FER: variants seen among roughly 807,000 people sequenced by gnomAD.
FER encodes FER tyrosine kinase.
In FER, 63 loss-of-function variants were observed where a neutral mutation model predicts 111.0. That is an observed-to-expected ratio of 0.57 (90% CI 0.46 to 0.70). FER has a LOEUF of 0.70. Ranked by LOEUF, FER falls within the 30% of genes least tolerant of loss-of-function variation. The pLI, the probability that FER is intolerant of heterozygous loss-of-function variation, is 0.00. For missense variants in FER, 914 were observed against 954.0 expected (o/e 0.96, Z 0.55); for synonymous variants, 327 against 313.9 (o/e 1.04, Z -0.44).
chr5:109,132,811 C>G (rs1188880037), intron 17 of FER, among the ~76,000 whole-genome samples: 2 of 152,182 alleles, frequency 1.3e-5, no homozygotes, highest in South Asian at 2.1e-4. Context: ...GTCACATCAT[C>G]TGAGCCCAAA....
chr5:108,826,048 A>G (rs1171987192), intron 3 of FER, among the ~76,000 whole-genome samples: 1 of 152,160 alleles, frequency 6.6e-6, no homozygotes, highest in East Asian at 1.9e-4. Flanking sequence ...ACCATTGACT[A>G]TGTTAGCTGT....
At chr5:108,913,267 C>T (rs1751808155) in intron 10 of FER, among the ~76,000 whole-genome samples, 1 of 152,104 alleles carries the variant, frequency 6.6e-6, no homozygotes, top group African/African-American at 2.4e-5. Context: ...CTTGATATTG[C>T]AAAATGAAAC....
intron 5 of FER, among the ~76,000 whole-genome samples, chr5:108,859,355 C>T (rs1409288133): frequency 1.3e-5 from 2 of 152,064 alleles, no homozygotes; most frequent in Admixed American, 6.6e-5. Context: ...ACCCCTGCCT[C>T]ACCCCCCAAC....
chr5:109,186,852 T>C (rs1313740805), intron 19 of FER, among the ~76,000 whole-genome samples: 1 of 152,206 alleles, frequency 6.6e-6, no homozygotes, highest in East Asian at 1.9e-4. Flanking sequence ...TACTGTGCCC[T>C]AATGTCTGGT....
At chr5:108,898,500 TTCTC>T (rs1000348759) in intron 10 of FER, among the ~76,000 whole-genome samples, 1 of 141,476 alleles carries the variant, frequency 7.1e-6, no homozygotes. Context: ...TCCTTCCTCT[TTCTC>T]TCTCCTTTCT....
At chr5:109,067,712 G>A (rs1375706306) in intron 16 of FER, among the ~76,000 whole-genome samples, 1 of 151,836 alleles carries the variant, frequency 6.6e-6, no homozygotes, top group African/African-American at 2.4e-5. Flanking sequence ...TTTCTTTCTT[G>A]TAGATATATA....
intron 17 of FER, among the ~76,000 whole-genome samples, chr5:109,103,312 A>G (rs1005162455): frequency 2.0e-5 from 3 of 152,170 alleles, no homozygotes; most frequent in Non-Finnish European, 2.9e-5. Flanking sequence ...AACTCAGTAT[A>G]TAGTTGAAAA....
intron 14 of FER, 106 bp downstream of exon 14, chr5:109,037,584 A>G (rs1476569700): frequency 2.5e-6 from 2 of 789,082 alleles, no homozygotes; most frequent in Non-Finnish European, 4.2e-6. Context: ...CACAAGGCAC[A>G]TTACACATTA....
intron 2 of FER, among the ~76,000 whole-genome samples, chr5:108,772,336 A>T (rs543249136): frequency 6.6e-6 from 1 of 150,838 alleles, no homozygotes; most frequent in African/African-American, 2.5e-5. Context: ...ATATATACAC[A>T]TATATATGTA....
intron 13 of FER, among the ~76,000 whole-genome samples, chr5:108,995,089 G>T (rs1763816420): frequency 6.6e-6 from 1 of 151,930 alleles, no homozygotes; most frequent in South Asian, 2.1e-4. Flanking sequence ...CTTCCTATTT[G>T]TATACCCTCT....
chr5:108,964,937 A>G (rs1312223194), intron 13 of FER, among the ~76,000 whole-genome samples: 1 of 152,128 alleles, frequency 6.6e-6, no homozygotes, highest in Non-Finnish European at 1.5e-5. Context: ...GGGCTTTTCA[A>G]AAATTGCTGT....
rs537652920 is a variant in FER at position 109,102,308 on chromosome 5, A to G, written c.2048+1789A>G. Among the ~76,000 whole-genome samples the G allele has an allele frequency of 4.9e-4, 75 of 152,210 alleles. No homozygotes were observed. In the South Asian group the frequency reaches 6.2e-3, roughly 13 times the overall value. On this transcript the variant is annotated intron_variant, in intron 17 of 19. Coordinates refer to ENST00000281092, the MANE Select transcript of FER (RefSeq NM_005246.4). ...AGCAGGTTGTGCATAGACCTATGCC[A>G]TTTGCCTACTGGGAAGGTTTCCCAG...
At chr5:109,096,633 GCAT>G (rs1401473006) in intron 16 of FER, among the ~76,000 whole-genome samples, 2 of 151,208 alleles carry the variant, frequency 1.3e-5, no homozygotes, top group African/African-American at 4.9e-5. Flanking sequence ...CACTCTTCAA[GCAT>G]CTTTGCCTCT....
At chr5:109,033,418 G>A (rs1769920685) in intron 13 of FER, among the ~76,000 whole-genome samples, 1 of 152,110 alleles carries the variant, frequency 6.6e-6, no homozygotes, top group Non-Finnish European at 1.5e-5. Flanking sequence ...TTGGATAGAA[G>A]GGGAGAAGGA....
intron 13 of FER, among the ~76,000 whole-genome samples, chr5:108,999,795 C>T (rs1464918238): frequency 6.6e-6 from 1 of 150,432 alleles, no homozygotes. Flanking sequence ...GATTTAACAT[C>T]TTTTCCTGTG....
chr5:109,165,173 T>C (rs1012532871), intron 17 of FER, among the ~76,000 whole-genome samples: 6 of 152,202 alleles, frequency 3.9e-5, no homozygotes, highest in African/African-American at 1.4e-4. Context: ...ATATATTTTT[T>C]GAATGAATAA....
chr5:108,810,312 C>T (rs748355255), intron 3 of FER, among the ~76,000 whole-genome samples: 18 of 152,170 alleles, frequency 1.2e-4, no homozygotes, highest in East Asian at 1.9e-4. Context: ...ACTTGATCCT[C>T]GCTTACTGAG....
intron 16 of FER, among the ~76,000 whole-genome samples, chr5:109,098,444 C>G (rs1171563471): frequency 6.6e-6 from 1 of 151,668 alleles, no homozygotes; most frequent in Non-Finnish European, 1.5e-5. Flanking sequence ...GCTTTTAAAT[C>G]AAATTGCAGA....
chr5:108,761,881 C>G (rs1048046311), intron 1 of FER, among the ~76,000 whole-genome samples: 2 of 151,982 alleles, frequency 1.3e-5, no homozygotes, highest in African/African-American at 2.4e-5. Context: ...AGAAGTGTAA[C>G]TTGTATTACC....
Sources: gnomAD v4.1 joint callset for allele counts (sites outside exome capture counted in the v4.1 genomes callset) on GRCh38, gnomAD v4.1.1 for gene constraint, MANE v1.5 for transcripts, NCBI Gene and HGNC (gene_info 2026-07-23, HGNC 2026-07-21) for gene names.